Variants in PDE3A observed in about 807,000 individuals in gnomAD.
PDE3A encodes phosphodiesterase 3A.
Under a neutral mutation model 98.3 loss-of-function variants are expected in PDE3A, and 43 were observed. That is an observed-to-expected ratio of 0.44 (90% CI 0.34 to 0.56). PDE3A has a LOEUF of 0.56. Among genes scored for constraint, PDE3A ranks in the 20% least tolerant of loss-of-function variants. PDE3A has a pLI of 0.01. For missense variants in PDE3A, 1,427 were observed against 1,440.7 expected (o/e 0.99, Z 0.15); for synonymous variants, 663 against 567.9 (o/e 1.17, Z -2.38).
intron 1 of PDE3A, among the ~76,000 whole-genome samples, chr12:20,449,232 C>T (rs1458583514): frequency 1.3e-5 from 2 of 152,174 alleles, no homozygotes; most frequent in Non-Finnish European, 2.9e-5. Flanking sequence ...CTCCTTTTCT[C>T]CTCGTGATTC....
Position 20,369,136 on chromosome 12 carries a change from G to T in PDE3A, c.-149G>T. ...CGAAAGCTGAAACTTTCAGTGGATT[G>T]TGGGCCTGGGGAGAAGAAGGATTCC... On this transcript the variant is annotated 5_prime_UTR_variant, in exon 1 of 16. Coordinates refer to ENST00000359062, the MANE Select transcript of PDE3A (RefSeq NM_000921.5). 1 of 564,990 alleles carries T rather than the reference G, an allele frequency of 1.8e-6. No homozygotes were observed. The highest frequency in any genetic ancestry group is 2.6e-5 in the South Asian group (1 of 38,596). 35.0% of individuals were successfully genotyped at this position (564,990 alleles called of 1,614,324 possible).
chr12:20,544,003 T>C (rs967102361), intron 1 of PDE3A, among the ~76,000 whole-genome samples: 1 of 151,808 alleles, frequency 6.6e-6, no homozygotes, highest in Non-Finnish European at 1.5e-5. Context: ...CAAGTCAGAA[T>C]TGGGATTTGA....
At chr12:20,564,225 A>C (rs1225170040) in intron 2 of PDE3A, among the ~76,000 whole-genome samples, 1 of 152,172 alleles carries the variant, frequency 6.6e-6, no homozygotes, top group Non-Finnish European at 1.5e-5. Flanking sequence ...AACTGTGATA[A>C]GAAAAATGTC....
intron 15 of PDE3A, among the ~76,000 whole-genome samples, chr12:20,657,021 A>G (rs948208830): frequency 6.6e-6 from 1 of 152,254 alleles, no homozygotes; most frequent in Non-Finnish European, 1.5e-5. Context: ...CATGCCTTCC[A>G]AAAGTTAACT....
At chr12:20,458,820 A>G (rs1050280259) in intron 1 of PDE3A, among the ~76,000 whole-genome samples, 1 of 152,086 alleles carries the variant, frequency 6.6e-6, no homozygotes, top group African/African-American at 2.4e-5. Flanking sequence ...CATTTTTTGC[A>G]TGGATACAGC....
intron 1 of PDE3A, among the ~76,000 whole-genome samples, chr12:20,374,130 A>T (rs566908354): frequency 6.6e-6 from 1 of 152,136 alleles, no homozygotes. Flanking sequence ...AAAATTAATT[A>T]ATGTCAATTT....
At chr12:20,549,220 T>A (rs1483009695) in intron 1 of PDE3A, among the ~76,000 whole-genome samples, 1 of 151,902 alleles carries the variant, frequency 6.6e-6, no homozygotes, top group South Asian at 2.1e-4. Flanking sequence ...CAGTAAAATA[T>A]TTTTTATACA....
intron 14 of PDE3A, among the ~76,000 whole-genome samples, chr12:20,652,892 C>T (rs904698799): frequency 6.6e-6 from 1 of 152,114 alleles, no homozygotes; most frequent in African/African-American, 2.4e-5. Flanking sequence ...GAACAGGCAA[C>T]CTACAGAATG....
chr12:20,508,669 G>T (rs79014424), intron 1 of PDE3A, among the ~76,000 whole-genome samples: 299 of 152,042 alleles, frequency 2.0e-3, no homozygotes, highest in Non-Finnish European at 3.6e-3. Context: ...AGATGAAGCG[G>T]TTAGAATATG....
At chr12:20,506,171 T>G (rs1242384063) in intron 1 of PDE3A, among the ~76,000 whole-genome samples, 1 of 151,644 alleles carries the variant, frequency 6.6e-6, no homozygotes, top group Non-Finnish European at 1.5e-5. Flanking sequence ...CTCCAAAAAT[T>G]TATTTTGTAA....
intron 1 of PDE3A, among the ~76,000 whole-genome samples, chr12:20,488,664 T>TACA (rs1043206339): frequency 6.6e-6 from 1 of 151,884 alleles, no homozygotes; most frequent in South Asian, 2.1e-4. Context: ...GAGACATCTT[T>TACA]ACAACAACAA....
At chr12:20,666,817 T>C (rs992207725) in intron 15 of PDE3A, among the ~76,000 whole-genome samples, 3 of 152,224 alleles carry the variant, frequency 2.0e-5, no homozygotes, top group Admixed American at 2.0e-4. Context: ...CTAGATCATA[T>C]GGTAGTTCTC....
chr12:20,647,731 G>A (rs2121516005), intron 12 of PDE3A, among the ~76,000 whole-genome samples: 1 of 151,866 alleles, frequency 6.6e-6, no homozygotes, highest in African/African-American at 2.4e-5. Context: ...CTATTCTATA[G>A]TTTTTCTTGA....
At chr12:20,626,405 A>G (rs926144405) in intron 5 of PDE3A, among the ~76,000 whole-genome samples, 2 of 150,412 alleles carry the variant, frequency 1.3e-5, no homozygotes, top group African/African-American at 2.4e-5. Flanking sequence ...GAGAACTTAT[A>G]CTTTTATAAC....
At chr12:20,448,984 C>T (rs1160439551) in intron 1 of PDE3A, among the ~76,000 whole-genome samples, 3 of 152,124 alleles carry the variant, frequency 2.0e-5, no homozygotes. Flanking sequence ...CTACTTCCTC[C>T]ATTAAAGTAC....
At chr12:20,648,229 G>C (rs1343544529) in intron 12 of PDE3A, among the ~76,000 whole-genome samples, 1 of 151,242 alleles carries the variant, frequency 6.6e-6, no homozygotes, top group Non-Finnish European at 1.5e-5. Context: ...GCCAGATAGA[G>C]AAAGTAACCT....
rs775324315 is a variant in PDE3A at position 20,648,741 on chromosome 12, A to G, written c.2619A>G (p.Ala873=). 3.7e-6 allele frequency: 6 copies of G among 1,613,210 alleles called. No individual in the cohort carries two copies. The highest frequency in any genetic ancestry group is 5.1e-6 in the Non-Finnish European group (6 of 1,179,292). ...TGGAGAATCATCACGCAGCTGCTGC[A>G]TGGAATCTTTTCATGTCCCGGCCAG... is the stretch of plus-strand genomic sequence containing the variant. ...SVLENHHAAA[A]WNLFMSRPEY... is the part of the protein sequence containing the mutation. The change falls in exon 13 of 16, where the codon GCA becomes GCG. Residue 873 remains alanine, a synonymous_variant. Transcript: ENST00000359062.
chr12:20,622,849 A>C (rs1020940764), intron 5 of PDE3A, among the ~76,000 whole-genome samples: 2 of 152,112 alleles, frequency 1.3e-5, no homozygotes, highest in Non-Finnish European at 2.9e-5. Context: ...ATCACCAGTT[A>C]AGGGCCATGA....
chr12:20,486,981 G>C, intron 1 of PDE3A, among the ~76,000 whole-genome samples: 1 of 152,244 alleles, frequency 6.6e-6, no homozygotes, highest in Non-Finnish European at 1.5e-5. Context: ...TTAGAGATAC[G>C]TGTAGAGACT....
Sources: allele counts gnomAD v4.1 joint callset (sites outside exome capture counted in the v4.1 genomes callset), GRCh38; gene constraint gnomAD v4.1.1; transcripts MANE v1.5; gene names NCBI Gene and HGNC (gene_info 2026-07-23, HGNC 2026-07-21).